The following EPM2A variants were observed in gnomAD, a reference collection of about 807,000 sequenced individuals.
EPM2A encodes the protein EPM2A glucan phosphatase, laforin, also known as laforin.
Under a neutral mutation model 26.5 loss-of-function variants are expected in EPM2A, and 21 were observed. That is an observed-to-expected ratio of 0.79 (90% CI 0.56 to 1.14). EPM2A has a LOEUF of 1.14. EPM2A is among the 50% of genes most tolerant of loss of function. The probability of loss-of-function intolerance (pLI) is 0.00; values close to 1 mark genes in which losing one functional copy is unlikely to be tolerated. For synonymous variants in EPM2A, 217 were observed against 177.6 expected (o/e 1.22, Z -1.76); for missense variants, 458 against 440.8 (o/e 1.04, Z -0.35).
intron 2 of EPM2A, among the ~76,000 whole-genome samples, chr6:145,553,673 T>C (rs1472238710): frequency 6.6e-6 from 1 of 151,998 alleles, no homozygotes; most frequent in Non-Finnish European, 1.5e-5. Flanking sequence ...GGCTGCTGAC[T>C]TTATCCCATA....
chr6:145,565,798 G>T (rs1780876990), intron 2 of EPM2A, among the ~76,000 whole-genome samples: 1 of 152,162 alleles, frequency 6.6e-6, no homozygotes, highest in Admixed American at 6.5e-5. Context: ...GCTCTGGAAG[G>T]TCAGAGCAGG....
downstream of EPM2A, among the ~76,000 whole-genome samples, chr6:145,500,188 T>C (rs557291119): frequency 6.6e-6 from 1 of 152,256 alleles, no homozygotes; most frequent in African/African-American, 2.4e-5. Flanking sequence ...ATCATTTATA[T>C]GGATGTTCCA....
chr6:145,461,865 C>A (rs1779332014), intron 4 of EPM2A, among the ~76,000 whole-genome samples: 1 of 152,098 alleles, frequency 6.6e-6, no homozygotes, highest in Non-Finnish European at 1.5e-5. Flanking sequence ...TCAAGGACAA[C>A]CAGGAAGTTT....
intron 4 of EPM2A, chr6:145,489,844 A>G: frequency 6.9e-7 from 1 of 1,447,244 alleles, no homozygotes; most frequent in Non-Finnish European, 9.7e-7. Flanking sequence ...TTGTACTTCC[A>G]CTGGCACCTG....
chr6:145,605,814 C>G (rs1341028197), intron 2 of EPM2A, among the ~76,000 whole-genome samples: 5 of 152,082 alleles, frequency 3.3e-5, no homozygotes, highest in Non-Finnish European at 7.4e-5. Flanking sequence ...AATTAAAAGT[C>G]TGCTTTCAGA....
chr6:145,438,718 C>T (rs887185966), intron 4 of EPM2A, among the ~76,000 whole-genome samples: 14 of 152,116 alleles, frequency 9.2e-5, no homozygotes, highest in Middle Eastern at 3.4e-3. Context: ...GTGATCCACC[C>T]GCCTCAGCCT....
At chr6:145,442,218 C>T (rs1779073031) in intron 4 of EPM2A, among the ~76,000 whole-genome samples, 1 of 152,196 alleles carries the variant, frequency 6.6e-6, no homozygotes, top group Admixed American at 6.5e-5. Flanking sequence ...TCTGAGCTCT[C>T]TAAACTGTTC....
intron 2 of EPM2A, among the ~76,000 whole-genome samples, chr6:145,514,779 A>C (rs1455114640): frequency 6.6e-6 from 1 of 152,224 alleles, no homozygotes; most frequent in Admixed American, 6.5e-5. Flanking sequence ...TCTCTCCACA[A>C]AGAATAATTT....
intron 2 of EPM2A, among the ~76,000 whole-genome samples, chr6:145,564,530 T>C (rs1228491648): frequency 6.6e-6 from 1 of 152,222 alleles, no homozygotes; most frequent in African/African-American, 2.4e-5. Flanking sequence ...TTGGCCACTG[T>C]ATGATCAGTT....
intron 3 of EPM2A, chr6:145,629,220 T>A (rs1776062209): frequency 6.6e-6 from 1 of 152,418 alleles, no homozygotes; most frequent in Non-Finnish European, 1.5e-5. Flanking sequence ...CTCTGGCCTG[T>A]TGCCATACAC....
At chr6:145,525,022 G>C (rs1373946919) in intron 2 of EPM2A, among the ~76,000 whole-genome samples, 2 of 151,970 alleles carry the variant, frequency 1.3e-5, no homozygotes, top group African/African-American at 4.8e-5. Flanking sequence ...TTATTGAATA[G>C]GGAATCTTTT....
chr6:145,562,047 A>G (rs441290), intron 2 of EPM2A, among the ~76,000 whole-genome samples: 69,225 of 150,638 alleles, frequency 0.46, 16,487 homozygotes, highest in African/African-American at 0.56. Context: ...CATATATCCC[A>G]GAACTTAAAT....
intron 2 of EPM2A, among the ~76,000 whole-genome samples, chr6:145,549,569 AAAAT>A (rs377688592): frequency 1.5e-3 from 225 of 152,250 alleles, no homozygotes; most frequent in African/African-American, 5.1e-3. Context: ...TCCCTTGCCA[AAAAT>A]AAATAAATTC....
chr6:145,733,786 T>C (rs1369240313), intron 1 of EPM2A, among the ~76,000 whole-genome samples: 2 of 152,158 alleles, frequency 1.3e-5, no homozygotes, highest in Admixed American at 1.3e-4. Context: ...ACAAGGATAA[T>C]ATATAAACAC....
In EPM2A at chr6:145,472,735, C is replaced by T. The variant is rs1779492260; in HGVS notation, c.555+29787G>A. 2.0e-5 allele frequency among the ~76,000 whole-genome samples: 3 copies of T among 152,082 alleles called. 1 individual carries two copies. The highest frequency in any genetic ancestry group is 6.5e-5 in the Admixed American group (1 of 15,268). ...CTGTATCTTGTGTTTTGAATGCTAG[C>T]TCAGCCACAATACAATAGAATGCGA... On this transcript the variant is annotated intron_variant, in intron 4 of 4. Coordinates refer to the EPM2A transcript ENST00000638717.
intron 4 of EPM2A, among the ~76,000 whole-genome samples, chr6:145,484,917 T>C (rs1195239646): frequency 6.6e-6 from 1 of 150,782 alleles, no homozygotes; most frequent in Non-Finnish European, 1.5e-5. Context: ...GGCATAAGAG[T>C]TTCTGGTTTT....
At chr6:145,500,869 A>T (rs181223707), downstream of EPM2A, among the ~76,000 whole-genome samples, 603 of 152,226 alleles carry the variant, frequency 4.0e-3, 3 homozygotes, top group African/African-American at 0.014. Flanking sequence ...CTTCTAGCAA[A>T]TGTCCTCAGG....
At chr6:145,404,189 G>A (rs1778535547) in intron 4 of EPM2A, among the ~76,000 whole-genome samples, 1 of 151,892 alleles carries the variant, frequency 6.6e-6, no homozygotes, top group Non-Finnish European at 1.5e-5. Context: ...TGGGTAGTTT[G>A]CAAATATTTT....
At chr6:145,662,306 T>G (rs778360292) in intron 2 of EPM2A, among the ~76,000 whole-genome samples, 73 of 152,356 alleles carry the variant, frequency 4.8e-4, no homozygotes, top group Admixed American at 7.8e-4. Context: ...CCTATTATTT[T>G]TATAACAAAT....
Sources: allele counts gnomAD v4.1 joint callset (sites outside exome capture counted in the v4.1 genomes callset), GRCh38; gene constraint gnomAD v4.1.1; transcripts MANE v1.5; gene names NCBI Gene and HGNC (gene_info 2026-07-23, HGNC 2026-07-21).